BTG4: variants seen among roughly 807,000 people sequenced by gnomAD.
BTG4 encodes BTG anti-proliferation factor 4.
Under a neutral mutation model 19.3 loss-of-function variants are expected in BTG4, and 10 were observed. The observed-to-expected ratio is 0.52, with a 90% CI of 0.32 to 0.88. The LOEUF (loss-of-function observed/expected upper bound fraction) is 0.88, where lower values mean the gene tolerates loss of function less well. Among genes scored for constraint, BTG4 ranks in the 40% least tolerant of loss-of-function variants. The pLI is 0.04. For missense variants in BTG4, 238 were observed against 281.9 expected, an observed-to-expected ratio of 0.84 and a Z score of 1.11; for synonymous variants, 91 against 95.7, an observed-to-expected ratio of 0.95 and a Z score of 0.29.
At chr11:111,499,956 A>G (rs891192213) in intron 1 of BTG4, among the ~76,000 whole-genome samples, 1 of 152,168 alleles carries the variant, frequency 6.6e-6, no homozygotes, top group African/African-American at 2.4e-5. Context: ...AGCCTGGCCA[A>G]CATGGTGAAA....
chr11:111,414,294 C>T, the BTG4 span: 1 of 152,068 alleles, frequency 6.6e-6, no homozygotes, highest in East Asian at 1.9e-4. Flanking sequence ...AGAACAAAAC[C>T]AGAGCCCTCA....
At chr11:111,385,644 C>A in the BTG4 span, 1 of 151,918 alleles carries the variant, frequency 6.6e-6, no homozygotes, top group Non-Finnish European at 1.5e-5. Flanking sequence ...GAAAACCTAT[C>A]AATATAATTC....
the BTG4 span, among the ~76,000 whole-genome samples, chr11:111,419,890 GAA>G: frequency 2.0e-5 from 3 of 152,236 alleles, no homozygotes; most frequent in Non-Finnish European, 4.4e-5. Flanking sequence ...TGCCATATTG[GAA>G]AAAGAGTACG....
chr11:111,399,682 C>G, the BTG4 span, among the ~76,000 whole-genome samples: 1 of 152,194 alleles, frequency 6.6e-6, no homozygotes. Flanking sequence ...GGGAATTGAT[C>G]TCCTTGTTCC....
intron 5 of BTG4, among the ~76,000 whole-genome samples, chr11:111,476,733 C>T (rs547471): frequency 1.3e-5 from 2 of 152,112 alleles, no homozygotes; most frequent in African/African-American, 4.8e-5. Context: ...GCCCATAAGA[C>T]GGGCTATGAG....
At chr11:111,474,374 C>T (rs371253800) in intron 5 of BTG4, among the ~76,000 whole-genome samples, 76 of 152,234 alleles carry the variant, frequency 5.0e-4, no homozygotes, top group African/African-American at 1.8e-3. Flanking sequence ...TAACCACCAT[C>T]CTGACTTCAA....
rs746112390 is a variant in BTG4, at chr11:111,495,272, G to T, written c.553C>A (p.Pro185Thr). 2 of 1,610,204 alleles carry T rather than the reference G, an allele frequency of 1.2e-6. No individual in the cohort carries two copies. Among genetic ancestry groups the T allele is most frequent in the African/African-American group, 1.3e-5 (1 of 74,562 alleles). The change falls in exon 5 of 5, where the codon CCC becomes ACC. Residue 185 changes from proline (P) to threonine (T), a missense_variant. Physicochemically the swap from Pro to Thr is conservative, Grantham distance 38 (BLOSUM62 -1). Coordinates refer to ENST00000692032, the MANE Select transcript of BTG4 (RefSeq NM_001367975.1). ...CCGTCCACCACATTCTTTTTGCGGGGGATTTGTAACCAAGATTGAAAGGGC... is the reference window on the plus strand; with the variant it reads ...CCGTCCACCACATTCTTTTTGCGGGTGATTTGTAACCAAGATTGAAAGGGC... Reference protein sequence around the residue: ...KQPFQSWLQIPRKKNVVDGRV... With the variant: ...KQPFQSWLQITRKKNVVDGRV...
intron 1 of BTG4, among the ~76,000 whole-genome samples, chr11:111,499,300 T>A (rs1470055732): frequency 6.6e-6 from 1 of 152,222 alleles, no homozygotes; most frequent in African/African-American, 2.4e-5. Context: ...AACCGCACTA[T>A]CCCTTATGTT....
At chr11:111,445,102 T>A in the BTG4 span, among the ~76,000 whole-genome samples, 1 of 152,318 alleles carries the variant, frequency 6.6e-6, no homozygotes, top group Admixed American at 6.5e-5. Flanking sequence ...AGGTTAAGGT[T>A]GCCCTCGTGG....
At chr11:111,440,135 G>A in the BTG4 span, among the ~76,000 whole-genome samples, 5 of 152,276 alleles carry the variant, frequency 3.3e-5, no homozygotes, top group East Asian at 9.6e-4. Flanking sequence ...GACTTAGTGA[G>A]TATGGCTAAA....
chr11:111,427,421 C>T, the BTG4 span, among the ~76,000 whole-genome samples: 1 of 152,200 alleles, frequency 6.6e-6, no homozygotes, highest in South Asian at 2.1e-4. Flanking sequence ...CTGCTCACAG[C>T]TCTCAAAGGA....
chr11:111,453,048 A>G, the BTG4 span, among the ~76,000 whole-genome samples: 4 of 152,152 alleles, frequency 2.6e-5, no homozygotes, highest in African/African-American at 9.7e-5. Flanking sequence ...GGGGTTTCCC[A>G]TGACTGGAGC....
At chr11:111,454,049 T>C in the BTG4 span, among the ~76,000 whole-genome samples, 1 of 152,204 alleles carries the variant, frequency 6.6e-6, no homozygotes, top group Non-Finnish European at 1.5e-5. Flanking sequence ...GGATGAGGCC[T>C]GAGATTCTGC....
At chr11:111,394,525 C>T in the BTG4 span, among the ~76,000 whole-genome samples, 1 of 152,320 alleles carries the variant, frequency 6.6e-6, no homozygotes, top group African/African-American at 2.4e-5. Flanking sequence ...TGAGACCCCC[C>T]CACCAGCCAC....
the BTG4 span, among the ~76,000 whole-genome samples, chr11:111,427,358 A>G: frequency 6.6e-6 from 1 of 152,358 alleles, no homozygotes; most frequent in Non-Finnish European, 1.5e-5. Flanking sequence ...ATGGCGGTCA[A>G]GAATAATCAT....
chr11:111,411,690 C>T, the BTG4 span, among the ~76,000 whole-genome samples: 3 of 152,302 alleles, frequency 2.0e-5, no homozygotes, highest in African/African-American at 4.8e-5. Context: ...CAGATGATAC[C>T]GTTGCTGCTG....
At chr11:111,513,953 G>A (rs915674367), upstream of BTG4, 1 of 154,480 alleles carries the variant, frequency 6.5e-6, no homozygotes, top group Non-Finnish European at 1.4e-5. Context: ...GTCCATCTCA[G>A]TTCCTGCCAC....
the BTG4 span, among the ~76,000 whole-genome samples, chr11:111,389,927 G>A: frequency 6.6e-6 from 1 of 152,006 alleles, no homozygotes; most frequent in East Asian, 1.9e-4. Flanking sequence ...GCCAACGAAA[G>A]CTAAGACTTC....
intron 1 of BTG4, among the ~76,000 whole-genome samples, chr11:111,504,476 G>A (rs563650270): frequency 2.0e-5 from 3 of 151,982 alleles, no homozygotes; most frequent in Non-Finnish European, 4.4e-5. Context: ...TTCCTAATTT[G>A]TATTTTCTAT....
Sources: allele counts gnomAD v4.1 joint callset (sites outside exome capture counted in the v4.1 genomes callset), GRCh38; gene constraint gnomAD v4.1.1; transcripts MANE v1.5; gene names NCBI Gene and HGNC (gene_info 2026-07-23, HGNC 2026-07-21).